The following BNC2 variants were observed in gnomAD, a reference collection of about 807,000 sequenced individuals.
BNC2 encodes zinc finger protein basonuclin-2.
In BNC2, 20 loss-of-function variants were observed where a neutral mutation model predicts 76.3. That is an observed-to-expected ratio of 0.26 (90% CI 0.18 to 0.38). BNC2 has a LOEUF of 0.38. Among genes scored for constraint, BNC2 ranks in the 10% least tolerant of loss-of-function variants. The pLI is 1.00. For synonymous variants in BNC2, 582 were observed against 514.8 expected, an observed-to-expected ratio of 1.13 and a Z score of -1.77; for missense variants, 1,382 against 1,399.8, an observed-to-expected ratio of 0.99 and a Z score of 0.20.
At chr9:16,781,935 T>C (rs1421330196) in intron 1 of BNC2, among the ~76,000 whole-genome samples, 1 of 152,098 alleles carries the variant, frequency 6.6e-6, no homozygotes, top group Non-Finnish European at 1.5e-5. Context: ...GGTAAGGATA[T>C]TTACAAAATG....
intron 1 of BNC2, among the ~76,000 whole-genome samples, chr9:16,774,059 G>A (rs756463978): frequency 1.3e-5 from 2 of 152,016 alleles, no homozygotes; most frequent in Non-Finnish European, 2.9e-5. Context: ...TCAGATCACT[G>A]CAACCTTTGT....
At chr9:16,841,022 T>C (rs1563966133) in intron 1 of BNC2, among the ~76,000 whole-genome samples, 1 of 152,226 alleles carries the variant, frequency 6.6e-6, no homozygotes, top group Non-Finnish European at 1.5e-5. Context: ...GTTCTTCCGA[T>C]TCCACATTTG....
intron 5 of BNC2, among the ~76,000 whole-genome samples, chr9:16,507,064 T>C (rs966481636): frequency 6.6e-6 from 1 of 152,108 alleles, no homozygotes; most frequent in Admixed American, 6.5e-5. Flanking sequence ...TACACTTCTC[T>C]ATAAGGCCCG....
chr9:16,862,914 GAT>G (rs1819446471), intron 1 of BNC2, among the ~76,000 whole-genome samples: 1 of 68,194 alleles, frequency 1.5e-5, no homozygotes, highest in Admixed American at 2.3e-4. Context: ...TATATAGATA[GAT>G]TTTTTTTTTT....
intron 3 of BNC2, among the ~76,000 whole-genome samples, chr9:16,641,484 C>A (rs531290298): frequency 2.6e-5 from 4 of 152,326 alleles, no homozygotes; most frequent in African/African-American, 9.6e-5. Flanking sequence ...AATAGGTTTA[C>A]TATCCCAATC....
At chr9:16,479,146 G>C (rs1252020831) in intron 5 of BNC2, among the ~76,000 whole-genome samples, 2 of 151,992 alleles carry the variant, frequency 1.3e-5, no homozygotes, top group East Asian at 3.9e-4. Context: ...CAGCTACTCG[G>C]GAGTCTGAGG....
At chr9:16,477,649 A>G (rs1261943184) in intron 5 of BNC2, among the ~76,000 whole-genome samples, 1 of 152,230 alleles carries the variant, frequency 6.6e-6, no homozygotes, top group African/African-American at 2.4e-5. Flanking sequence ...AAAAAAGTTT[A>G]AAAATATTCA....
chr9:16,723,902 T>C (rs1317270056), intron 3 of BNC2, among the ~76,000 whole-genome samples: 2 of 152,078 alleles, frequency 1.3e-5, no homozygotes, highest in Admixed American at 6.5e-5. Context: ...AATATTTGCA[T>C]GAAGTTAAAT....
At chr9:16,633,786 A>G (rs1441194086) in intron 3 of BNC2, among the ~76,000 whole-genome samples, 5 of 152,218 alleles carry the variant, frequency 3.3e-5, no homozygotes, top group Admixed American at 2.0e-4. Context: ...GGCTACAAGA[A>G]CCACCCAAAG....
intron 3 of BNC2, among the ~76,000 whole-genome samples, chr9:16,645,129 A>G (rs1821587530): frequency 6.6e-6 from 1 of 152,212 alleles, no homozygotes; most frequent in Admixed American, 6.5e-5. Flanking sequence ...ACTTGCAGGT[A>G]AAAAAGATAA....
At chr9:16,758,358 T>TTG (rs34830583) in intron 1 of BNC2, among the ~76,000 whole-genome samples, 44 of 151,692 alleles carry the variant, frequency 2.9e-4, no homozygotes, top group African/African-American at 8.7e-4. Flanking sequence ...CCTTTTTTTT[T>TTG]AGATGGAGTT....
intron 3 of BNC2, among the ~76,000 whole-genome samples, chr9:16,617,162 T>A (rs1208877282): frequency 1.3e-5 from 2 of 152,198 alleles, no homozygotes; most frequent in African/African-American, 4.8e-5. Context: ...TTCAGTTTAC[T>A]GTCAAGTCCA....
At position 16,664,901 on chromosome 9, in the gene BNC2, C is replaced by T. The variant is rs144897379; in HGVS notation, c.330+62896G>A. ...GCATTGTGCTGATGCTGCCTACACC[C>T]TGCCTATTCTTAGATTCAGAATATA... On this transcript the variant is annotated intron_variant, in intron 3 of 6. Transcript: ENST00000380672. Among the ~76,000 whole-genome samples, 742 of 151,934 alleles carry T rather than the reference C, an allele frequency of 4.9e-3. 1 individual carries two copies. The highest frequency in any genetic ancestry group is 0.016 in the African/African-American group (661 of 41,466).
intron 1 of BNC2, among the ~76,000 whole-genome samples, chr9:16,866,704 G>C (rs1283566853): frequency 2.0e-5 from 3 of 146,360 alleles, no homozygotes; most frequent in Admixed American, 1.4e-4. Flanking sequence ...GCACCTCCCA[G>C]CCTCAACACT....
chr9:16,854,353 A>C (rs953539846), intron 1 of BNC2, among the ~76,000 whole-genome samples: 8 of 152,136 alleles, frequency 5.3e-5, no homozygotes, highest in African/African-American at 1.9e-4. Flanking sequence ...CCTAATCTTA[A>C]CCCTTATTTT....
intron 3 of BNC2, among the ~76,000 whole-genome samples, chr9:16,691,722 G>A (rs967605049): frequency 4.0e-5 from 6 of 151,686 alleles, no homozygotes; most frequent in Non-Finnish European, 4.4e-5. Flanking sequence ...CGTTAGCCAG[G>A]ATGGTCTCGA....
intron 5 of BNC2, among the ~76,000 whole-genome samples, chr9:16,470,438 T>A (rs1389545307): frequency 6.6e-6 from 1 of 152,230 alleles, no homozygotes; most frequent in Non-Finnish European, 1.5e-5. Flanking sequence ...AGGAGCCTAA[T>A]GTTAATCCCC....
At chr9:16,659,487 A>G (rs542198967) in intron 3 of BNC2, among the ~76,000 whole-genome samples, 1 of 152,184 alleles carries the variant, frequency 6.6e-6, no homozygotes, top group South Asian at 2.1e-4. Context: ...GCATGCCTGT[A>G]ATCCCAGCTA....
intron 5 of BNC2, among the ~76,000 whole-genome samples, chr9:16,520,851 T>C (rs1191794875): frequency 2.6e-5 from 4 of 152,210 alleles, no homozygotes; most frequent in African/African-American, 9.6e-5. Flanking sequence ...GTCTTCAGTA[T>C]GGCACAAGCA....
Sources: allele counts gnomAD v4.1 joint callset (sites outside exome capture counted in the v4.1 genomes callset), GRCh38; gene constraint gnomAD v4.1.1; transcripts MANE v1.5; gene names NCBI Gene and HGNC (gene_info 2026-07-23, HGNC 2026-07-21).